The following MOB3B variants were observed in gnomAD, a reference collection of about 807,000 sequenced individuals.
MOB3B encodes MOB kinase activator 3B.
Under a neutral mutation model 18.7 loss-of-function variants are expected in MOB3B, and 7 were observed. The ratio of observed to expected loss-of-function variants is 0.37; its 90% CI spans 0.21 to 0.70. MOB3B has a LOEUF of 0.70. MOB3B is among the 30% of genes least tolerant of loss of function. The pLI, the probability that MOB3B is intolerant of heterozygous loss-of-function variation, is 0.52. For missense variants in MOB3B, 253 were observed against 281.3 expected (o/e 0.90, Z 0.72); for synonymous variants, 111 against 99.9 (o/e 1.11, Z -0.66).
intron 1 of MOB3B, among the ~76,000 whole-genome samples, chr9:27,518,063 T>A (rs1820265908): frequency 6.6e-6 from 1 of 152,178 alleles, no homozygotes; most frequent in African/African-American, 2.4e-5. Context: ...ATTTGCAGCA[T>A]GTGAATCCTC....
At chr9:27,422,593 T>G (rs1322668427) in intron 2 of MOB3B, among the ~76,000 whole-genome samples, 1 of 152,258 alleles carries the variant, frequency 6.6e-6, no homozygotes, top group African/African-American at 2.4e-5. Context: ...TTTTATGTGT[T>G]GCCAACAATT....
chr9:27,508,111 T>C (rs1363579018), intron 1 of MOB3B, among the ~76,000 whole-genome samples: 1 of 152,162 alleles, frequency 6.6e-6, no homozygotes, highest in African/African-American at 2.4e-5. Context: ...GGAATTCACT[T>C]GGGAAATACG....
chr9:27,446,856 A>G (rs570745548), intron 2 of MOB3B, among the ~76,000 whole-genome samples: 124 of 152,358 alleles, frequency 8.1e-4, no homozygotes, highest in African/African-American at 3.0e-3. Flanking sequence ...CAGGTCTAAC[A>G]GAAACTAACA....
chr9:27,335,023 T>C (rs1288391835), intron 3 of MOB3B, among the ~76,000 whole-genome samples: 2 of 152,154 alleles, frequency 1.3e-5, no homozygotes, highest in African/African-American at 4.8e-5. Flanking sequence ...GCCAGGATGG[T>C]CTCGATCTCC....
At chr9:27,330,790 A>AT (rs142161099) in intron 3 of MOB3B, among the ~76,000 whole-genome samples, 174 bp from the exon 4 acceptor site, 52,245 of 150,990 alleles carry the variant, frequency 0.35, 9,189 homozygotes, top group East Asian at 0.48. Flanking sequence ...GTTCTGCAGA[A>AT]TTTTTTTTTT....
intron 1 of MOB3B, chr9:27,524,637 C>T: frequency 6.2e-7 from 1 of 1,614,064 alleles, no homozygotes; most frequent in East Asian, 2.2e-5. Flanking sequence ...CTTCAGCCAA[C>T]ACACCTTCAA....
intron 1 of MOB3B, among the ~76,000 whole-genome samples, chr9:27,502,163 T>G (rs147138443): frequency 2.1e-4 from 32 of 152,302 alleles, no homozygotes; most frequent in African/African-American, 6.7e-4. Context: ...ACTTACATAC[T>G]TCACTGCCTG....
chr9:27,497,150 C>A (rs930070162), intron 1 of MOB3B, among the ~76,000 whole-genome samples: 2 of 152,278 alleles, frequency 1.3e-5, no homozygotes, highest in East Asian at 3.9e-4. Flanking sequence ...CTGTTTGGGG[C>A]TCTTATACAT....
intron 2 of MOB3B, among the ~76,000 whole-genome samples, chr9:27,425,709 G>A (rs1301636989): frequency 1.3e-5 from 2 of 151,176 alleles, no homozygotes; most frequent in Non-Finnish European, 1.5e-5. Flanking sequence ...AATGCAGTGG[G>A]CTTATGTCTA....
At chr9:27,357,888 C>CAAAAAAAAGAAAAAAA (rs1821215313) in intron 3 of MOB3B, among the ~76,000 whole-genome samples, 1 of 57,944 alleles carries the variant, frequency 1.7e-5, no homozygotes, top group Non-Finnish European at 3.2e-5. Context: ...CCCATCGCTA[C>CAAAAAAAAGAAAAAAA]AAAAAAAAAA....
At chr9:27,372,353 A>C (rs1162486953) in intron 2 of MOB3B, among the ~76,000 whole-genome samples, 1 of 152,228 alleles carries the variant, frequency 6.6e-6, no homozygotes, top group African/African-American at 2.4e-5. Context: ...GATATAAATA[A>C]ATGGTTGGAT....
intron 3 of MOB3B, among the ~76,000 whole-genome samples, chr9:27,343,278 A>G (rs144369420): frequency 0.08 from 11,901 of 149,572 alleles, 1,344 homozygotes; most frequent in African/African-American, 0.25. Context: ...TGAAAGCAGC[A>G]TGCTCCTTAA....
chr9:27,393,816 T>C lies in MOB3B; in HGVS notation c.419-34580A>G, dbSNP rs187653740. Among the ~76,000 whole-genome samples the C allele has an allele frequency of 6.5e-3, 994 of 152,284 alleles. 7 individuals carry two copies. The highest frequency in any genetic ancestry group is 9.8e-3 in the Non-Finnish European group (664 of 68,012). On this transcript the variant is annotated intron_variant, in intron 2 of 3. Transcript: ENST00000262244. ...AGCTGATCAATGGCAGATGCAGGAT[T>C]TGAATCCAGATCTGTGGAAATCCAG...
chr9:27,414,803 A>G (rs552986821), intron 2 of MOB3B, among the ~76,000 whole-genome samples: 1 of 152,320 alleles, frequency 6.6e-6, no homozygotes, highest in Middle Eastern at 3.4e-3. Flanking sequence ...GAATTCTTAT[A>G]TAAAATGAGA....
At chr9:27,410,016 G>T (rs1296663145) in intron 2 of MOB3B, among the ~76,000 whole-genome samples, 1 of 152,102 alleles carries the variant, frequency 6.6e-6, no homozygotes, top group African/African-American at 2.4e-5. Context: ...ATTGATGATT[G>T]AACAACACTG....
chr9:27,389,381 G>A (rs540480777), intron 2 of MOB3B, among the ~76,000 whole-genome samples: 35 of 114,730 alleles, frequency 3.1e-4, no homozygotes, highest in African/African-American at 1.1e-3. Flanking sequence ...TCCTCTTTCT[G>A]ATTACGCTGC....
At position 27,359,157 on chromosome 9, in the gene MOB3B, A is replaced by G; in HGVS notation, c.498T>C (p.Tyr166=). The change falls in exon 3 of 4, where the codon TAT becomes TAC. Residue 166 remains tyrosine, a synonymous_variant. Coordinates refer to ENST00000262244, the MANE Select transcript of MOB3B (RefSeq NM_024761.5). ...CAATGACCCGGTCGAAGTGGTGGAT[A>G]TAGACGTGGACAAAGACCCGGAAAA... is the stretch of plus-strand genomic sequence containing the variant. The part of the protein sequence containing the change: ...CRLFRVFVHV[Y]IHHFDRVIVM... The G allele has an allele frequency of 6.2e-7, 1 of 1,614,168 alleles. No individual in the cohort carries two copies. Among genetic ancestry groups the G allele is most frequent in the Non-Finnish European group, 8.5e-7 (1 of 1,180,042 alleles).
At chr9:27,383,540 C>G (rs551181796) in intron 2 of MOB3B, among the ~76,000 whole-genome samples, 3 of 152,186 alleles carry the variant, frequency 2.0e-5, no homozygotes, top group Non-Finnish European at 4.4e-5. Context: ...AAGGAATTGA[C>G]AGAATGGACT....
chr9:27,486,490 G>C (rs1451602017), intron 1 of MOB3B, among the ~76,000 whole-genome samples: 1 of 152,212 alleles, frequency 6.6e-6, no homozygotes, highest in Admixed American at 6.5e-5. Flanking sequence ...CCTGTGTCTT[G>C]AGTAATCACA....
Sources: allele counts gnomAD v4.1 joint callset (sites outside exome capture counted in the v4.1 genomes callset), GRCh38; gene constraint gnomAD v4.1.1; transcripts MANE v1.5; gene names NCBI Gene and HGNC (gene_info 2026-07-23, HGNC 2026-07-21).